SH3KBP1: variants seen among roughly 807,000 people sequenced by gnomAD.
The protein encoded by SH3KBP1 is SH3 domain containing kinase binding protein 1.
In SH3KBP1, 8 loss-of-function variants were observed where a neutral mutation model predicts 50.1. That is an observed-to-expected ratio of 0.16 (90% CI 0.09 to 0.29). The LOEUF (loss-of-function observed/expected upper bound fraction) is 0.29, where lower values mean the gene tolerates loss of function less well. Among genes scored for constraint, SH3KBP1 ranks in the 10% least tolerant of loss-of-function variants. The pLI, the probability that SH3KBP1 is intolerant of heterozygous loss-of-function variation, is 1.00. For synonymous variants in SH3KBP1, 227 were observed against 218.6 expected, an observed-to-expected ratio of 1.04 and a Z score of -0.34; for missense variants, 377 against 535.2, an observed-to-expected ratio of 0.70 and a Z score of 2.92.
chrX:19,737,548 C>T (rs1174313385), intron 3 of SH3KBP1, among the ~76,000 whole-genome samples: 1 of 111,487 alleles, frequency 9.0e-6, no homozygotes, highest in Admixed American at 9.5e-5. Flanking sequence ...TTAATGGCAT[C>T]GGGAAAAGCT....
intron 1 of SH3KBP1, among the ~76,000 whole-genome samples, chrX:19,880,352 T>C (rs58943877): frequency 0.26 from 28,475 of 111,254 alleles, 4,229 homozygotes; most frequent in African/African-American, 0.56. Context: ...GGGTTACATG[T>C]TCATTCATTA....
intron 5 of SH3KBP1, among the ~76,000 whole-genome samples, chrX:19,685,633 T>C (rs987177026): frequency 8.9e-6 from 1 of 111,875 alleles, no homozygotes; most frequent in African/African-American, 3.3e-5. Context: ...TTTGTGTGTT[T>C]ATCTGTTCAT....
chrX:19,757,094 T>C lies in SH3KBP1; in HGVS notation c.163-10653A>G, dbSNP rs188103246. Among the ~76,000 whole-genome samples, 272 of 109,940 alleles carry C rather than the reference T, an allele frequency of 2.5e-3. 2 individuals are homozygous for C. Among genetic ancestry groups the C allele is most frequent in the African/African-American group, 8.5e-3 (256 of 30,173 alleles). On this transcript the variant is annotated intron_variant, in intron 2 of 17. Coordinates refer to ENST00000397821, the MANE Select transcript of SH3KBP1 (RefSeq NM_031892.3). ...TTCAAAATTTTAATTAACTTAAACATTGAGTAATTGAAATATGTTTACTAT... is the reference window on the plus strand; with the variant it reads ...TTCAAAATTTTAATTAACTTAAACACTGAGTAATTGAAATATGTTTACTAT...
intron 2 of SH3KBP1, among the ~76,000 whole-genome samples, chrX:19,788,268 CCAAAAAAAAAAAAAAAA>C (rs1490529899): frequency 2.9e-5 from 2 of 67,871 alleles, no homozygotes; most frequent in East Asian, 3.6e-4. Context: ...GATTCTATCT[CCAAAAAAAAAAAAAAAA>C]CAAAAAAAAA....
intron 3 of SH3KBP1, among the ~76,000 whole-genome samples, chrX:19,714,210 G>C (rs1002371461): frequency 6.2e-5 from 7 of 112,050 alleles, no homozygotes; most frequent in Non-Finnish European, 1.3e-4. Context: ...GGAGCAGGTC[G>C]GGGGTGAGAT....
chrX:19,620,168 A>G (rs1439211904), intron 8 of SH3KBP1, among the ~76,000 whole-genome samples: 2 of 112,169 alleles, frequency 1.8e-5, no homozygotes, highest in East Asian at 5.6e-4. Flanking sequence ...TTCATAAAGC[A>G]TTTTTTATTA....
At chrX:19,849,399 G>C (rs781237986) in intron 1 of SH3KBP1, among the ~76,000 whole-genome samples, 1 of 111,112 alleles carries the variant, frequency 9.0e-6, no homozygotes, top group Admixed American at 9.6e-5. Flanking sequence ...GATTACAACA[G>C]ACTCAGAGGC....
chrX:19,625,964 T>C (rs1321404278), intron 8 of SH3KBP1, among the ~76,000 whole-genome samples: 1 of 111,471 alleles, frequency 9.0e-6, no homozygotes, highest in Non-Finnish European at 1.9e-5. Context: ...GGGCCTCTGC[T>C]CCTCCTTTGT....
chrX:19,821,887 G>T (rs1159823122), intron 2 of SH3KBP1, among the ~76,000 whole-genome samples: 1 of 112,176 alleles, frequency 8.9e-6, no homozygotes, highest in Non-Finnish European at 1.9e-5. Flanking sequence ...AATTCTCTTA[G>T]TGTTCCTTCA....
intron 6 of SH3KBP1, chrX:19,671,062 G>A: frequency 1.0e-6 from 1 of 994,374 alleles, no homozygotes; most frequent in Non-Finnish European, 1.3e-6. Flanking sequence ...CCAATTCATG[G>A]CTTGGGTGGC....
At chrX:19,646,810 C>T (rs1165748447) in intron 6 of SH3KBP1, among the ~76,000 whole-genome samples, 1 of 112,348 alleles carries the variant, frequency 8.9e-6, no homozygotes, top group Non-Finnish European at 1.9e-5. Flanking sequence ...GCCTTTACGT[C>T]TTACACGGTG....
intron 2 of SH3KBP1, among the ~76,000 whole-genome samples, chrX:19,774,231 A>G (rs1302574985): frequency 9.0e-6 from 1 of 111,013 alleles, no homozygotes. Context: ...TTCTGGTATG[A>G]AATAAAAGTA....
intron 2 of SH3KBP1, among the ~76,000 whole-genome samples, chrX:19,760,041 CCTCTCT>C (rs745515349): frequency 0.012 from 603 of 50,446 alleles, 14 homozygotes; most frequent in African/African-American, 0.041. Context: ...TCTCTCTCTC[CCTCTCT>C]CTCTCTCTCT....
At chrX:19,787,956 G>A (rs1410238476) in intron 2 of SH3KBP1, among the ~76,000 whole-genome samples, 2 of 111,490 alleles carry the variant, frequency 1.8e-5, no homozygotes, top group African/African-American at 6.5e-5. Flanking sequence ...TTGGTGTTAT[G>A]AGTTGAATTG....
At chrX:19,616,174 C>A (rs951711193) in intron 8 of SH3KBP1, among the ~76,000 whole-genome samples, 7 of 110,825 alleles carry the variant, frequency 6.3e-5, no homozygotes, top group African/African-American at 2.3e-4. Flanking sequence ...GTTACCCAGG[C>A]TAGTCTCAAA....
chrX:19,544,231 G>A lies in SH3KBP1; in HGVS notation c.1623+1691C>T, dbSNP rs182556802. Among the ~76,000 whole-genome samples, 21 of 111,157 alleles carry A rather than the reference G, an allele frequency of 1.9e-4. No individual in the cohort carries two copies. The East Asian group carries it at 2.6e-3, about 14-fold the overall frequency. ...AGTGCTCTCTGCTGCCAGGAATAGC[G>A]CTCCGCCAGCCTGTGCTTTATCATT... is the stretch of plus-strand genomic sequence containing the variant. On this transcript the variant is annotated intron_variant, in intron 15 of 17. Coordinates refer to ENST00000397821, the MANE Select transcript of SH3KBP1 (RefSeq NM_031892.3).
intron 6 of SH3KBP1, among the ~76,000 whole-genome samples, chrX:19,681,708 T>C (rs1602987720): frequency 9.0e-6 from 1 of 110,912 alleles, no homozygotes; most frequent in Non-Finnish European, 1.9e-5. Context: ...GGAGTGTGCA[T>C]GGCATGTCTG....
At chrX:19,581,137 A>T (rs73631360) in intron 12 of SH3KBP1, among the ~76,000 whole-genome samples, 6,207 of 110,366 alleles carry the variant, frequency 0.056, 461 homozygotes, top group African/African-American at 0.19. Flanking sequence ...CTTTGTAGAG[A>T]TCTCTATGTT....
intron 1 of SH3KBP1, among the ~76,000 whole-genome samples, chrX:19,870,188 C>T (rs184851551): frequency 1.2e-3 from 130 of 112,032 alleles, no homozygotes; most frequent in African/African-American, 3.9e-3. Context: ...TTAAGAGATA[C>T]ATATGGAAAT....
Sources: gnomAD v4.1 joint callset for allele counts (sites outside exome capture counted in the v4.1 genomes callset) on GRCh38, gnomAD v4.1.1 for gene constraint, MANE v1.5 for transcripts, NCBI Gene and HGNC (gene_info 2026-07-23, HGNC 2026-07-21) for gene names.